The following MELTF variants were observed in gnomAD, a reference collection of about 807,000 sequenced individuals.
The protein encoded by MELTF is antigen p97 (melanoma associated) identified by monoclonal antibodies 133.2 and 96.5.
In MELTF, 67 loss-of-function variants were observed where a neutral mutation model predicts 83.7. The observed-to-expected ratio is 0.80, with a 90% CI of 0.66 to 0.98. The LOEUF (loss-of-function observed/expected upper bound fraction) is 0.98. MELTF is among the 50% of genes least tolerant of loss of function. The probability of loss-of-function intolerance (pLI) is 0.00; values close to 1 mark genes in which losing one functional copy is unlikely to be tolerated. For missense variants in MELTF, 1,002 were observed against 1,035.6 expected, an observed-to-expected ratio of 0.97 and a Z score of 0.44; for synonymous variants, 462 against 447.6, an observed-to-expected ratio of 1.03 and a Z score of -0.41.
At chr3:197,013,126 C>T (rs1719245105) in intron 9 of MELTF, among the ~76,000 whole-genome samples, 5 of 152,190 alleles carry the variant, frequency 3.3e-5, no homozygotes, top group Admixed American at 3.3e-4. Flanking sequence ...ATAGCCAAAG[C>T]AATCCTAAGC....
At position 197,027,783 on chromosome 3, in the gene MELTF, G is replaced by A. The variant is rs771182545; in HGVS notation, c.177C>T (p.Ser59=). The A allele has an allele frequency of 2.0e-5, 32 of 1,610,722 alleles. No individual in the cohort carries two copies. Among genetic ancestry groups the A allele is most frequent in the South Asian group, 3.3e-5 (3 of 90,638 alleles). ...QPSLLCVRGT[S]ADHCVQLIAA... ...CGATGAGCTGGACGCAGTGGTCGGC[G>A]GAGGTGCCCCGGACGCAGAGGAGGG... is the stretch of plus-strand genomic sequence containing the variant. Residue 59 remains serine, a synonymous_variant, in exon 2 of 16, where the codon TCC becomes TCT. Coordinates refer to ENST00000296350, the MANE Select transcript of MELTF (RefSeq NM_005929.6).
chr3:197,003,330 TC>T lies in MELTF; in HGVS notation c.*41del. ...TCCAGCGCGAAGCCGCCGCGGAAAC[TC>T]CCCGGGCGGGCATCGGAGCTCTGGG... is the stretch of plus-strand genomic sequence containing the variant. On this transcript the variant is annotated 3_prime_UTR_variant, in exon 16 of 16. Coordinates refer to ENST00000296350, the MANE Select transcript of MELTF (RefSeq NM_005929.6). This position sits in a 1 kb window ranked among gnomAD's most constrained non-coding sequence, Gnocchi z 6.2. 1.0e-6 allele frequency: 1 copy of T among 1,004,626 alleles called. No individual in the cohort carries two copies. The highest frequency in any genetic ancestry group is 1.2e-6 in the Non-Finnish European group (1 of 847,324). The allele number at this position is 1,004,626 out of a possible 1,614,324, so 62.2% of individuals were successfully genotyped here. A position where few individuals can be genotyped will look rare whatever the true frequency, so the allele number is the denominator to read the frequency against.
rs566013906 is a variant in MELTF, at chr3:197,029,086, C to A, written c.49+568G>T. ...CCACGAACTCCATCCCCTCGGCGGTCGCCGCCCGCGATCCCCGCGAGCCGC... is the reference window on the plus strand; with the variant it reads ...CCACGAACTCCATCCCCTCGGCGGTAGCCGCCCGCGATCCCCGCGAGCCGC... On this transcript the variant is annotated intron_variant, in intron 1 of 15. Coordinates refer to ENST00000296350, the MANE Select transcript of MELTF (RefSeq NM_005929.6). The surrounding 1 kb of genome is among the most constrained non-coding windows in gnomAD (Gnocchi z 6.5). 6.6e-6 allele frequency: 1 copy of A among 152,170 alleles called. No individual in the cohort carries two copies. The highest frequency in any genetic ancestry group is 1.5e-5 in the Non-Finnish European group (1 of 68,050). 9.4% of individuals were successfully genotyped at this position (152,170 alleles called of 1,614,324 possible).
intron 3 of MELTF, 104 bp downstream of exon 3, chr3:197,026,556 G>T: frequency 3.0e-6 from 3 of 1,005,132 alleles, no homozygotes; most frequent in Non-Finnish European, 4.7e-6. Flanking sequence ...GGACTGCTCT[G>T]TGGACAGGGC....
In MELTF at chr3:197,017,347, G is replaced by A. The variant is rs185163987; in HGVS notation, c.713-57C>T. 918 of 1,435,676 alleles carry A rather than the reference G, an allele frequency of 6.4e-4. 5 individuals are homozygous for A. The African/African-American group carries it at 9.9e-3, about 15-fold the overall frequency. 88.9% of individuals were successfully genotyped at this position (1,435,676 alleles called of 1,614,324 possible). A position where few individuals can be genotyped will look rare whatever the true frequency, so the allele number is the denominator to read the frequency against. On this transcript the variant is annotated intron_variant, in intron 6 of 15. Coordinates refer to ENST00000296350, the MANE Select transcript of MELTF (RefSeq NM_005929.6). ...TCCGAAAGGGGTTGGGGCGGGTGGCGGGGAAGGCCCAGGAGAGGGAATCTG... is the reference window on the plus strand; with the variant it reads ...TCCGAAAGGGGTTGGGGCGGGTGGCAGGGAAGGCCCAGGAGAGGGAATCTG...
At chr3:197,019,226 C>T (rs1719523509) in intron 6 of MELTF, 1 of 1,006,724 alleles carries the variant, frequency 9.9e-7, no homozygotes, top group South Asian at 4.4e-5. Flanking sequence ...GCTGCAAAAC[C>T]TTTGGTTAGA....
intron 4 of MELTF, among the ~76,000 whole-genome samples, chr3:197,023,479 G>A (rs1322700889): frequency 2.0e-5 from 3 of 152,216 alleles, no homozygotes; most frequent in African/African-American, 7.2e-5. Flanking sequence ...AATTATTGAA[G>A]ATCACTGATG....
chr3:197,028,964 C>G (rs1560227894), intron 1 of MELTF: 1 of 152,472 alleles, frequency 6.6e-6, no homozygotes, highest in Non-Finnish European at 1.5e-5. Flanking sequence ...AAGCCCCCCA[C>G]CACCCAGGCG....
chr3:197,008,676 G>A lies in MELTF; in HGVS notation c.1731C>T (p.Thr577=), dbSNP rs369412167. The A allele has an allele frequency of 2.2e-5, 35 of 1,614,072 alleles. No homozygotes were observed. Among genetic ancestry groups the A allele is most frequent in the Admixed American group, 2.0e-4 (12 of 60,004 alleles). The stretch of plus-strand genomic sequence containing the variant: ...ACCTACCGTTTGTGTTGTCAAAGAC[G>A]GTTGTGTGCCTGACGAAGGCAACGT... ...AGDVAFVRHT[T]VFDNTNGHNS... is the part of the protein sequence containing the mutation. Residue 577 remains threonine, a synonymous_variant, in exon 13 of 16, where the codon ACC becomes ACT. Transcript: ENST00000296350. This position sits in a 1 kb window ranked among gnomAD's most constrained non-coding sequence, Gnocchi z 5.4.
Position 197,003,907 on chromosome 3 carries a change from C to T in MELTF, c.2131G>A (p.Gly711Ser). 1 of 1,613,498 alleles carries T rather than the reference C, an allele frequency of 6.2e-7. No individual in the cohort carries two copies. The highest frequency in any genetic ancestry group is 8.5e-7 in the Non-Finnish European group (1 of 1,179,918). The change falls in exon 15 of 16, where the codon GGC becomes AGC. Residue 711 changes from glycine to serine, a missense_variant. Transcript: ENST00000296350. The surrounding 1 kb of genome is among the most constrained non-coding windows in gnomAD (Gnocchi z 6.2). ...CAGGGCGGGCCTGTCCTACCTGCGC[C>T]CGAGCACTGCTGAGACGACATCCCT... ...LEGMSSQQCSGAAAPAPGAPL... is the reference protein window; with the variant it reads ...LEGMSSQQCSSAAAPAPGAPL...
At chr3:197,023,244 C>G in intron 4 of MELTF, 131 bp from the exon 5 acceptor site, 1 of 945,048 alleles carries the variant, frequency 1.1e-6, no homozygotes, top group Non-Finnish European at 1.6e-6. Flanking sequence ...CAGCTTCAGT[C>G]TGAGCAAAGC....
rs1163004006 is a variant in MELTF, at chr3:197,007,190, CAG to C, written c.1751-456_1751-455del. Among the ~76,000 whole-genome samples the C allele has an allele frequency of 6.6e-6, 1 of 152,110 alleles. No individual in the cohort carries two copies. The highest frequency in any genetic ancestry group is 1.5e-5 in the Non-Finnish European group (1 of 68,014). The stretch of plus-strand genomic sequence containing the variant: ...TAAGGGCTGAAGTTCTCAAATGGAA[CAG>C]GGTATAGCATCACTTGTGGATGCAG... On this transcript the variant is annotated intron_variant, in intron 13 of 15. Coordinates refer to ENST00000296350, the MANE Select transcript of MELTF (RefSeq NM_005929.6). The surrounding 1 kb of genome is among the most constrained non-coding windows in gnomAD (Gnocchi z 4.3).
chr3:197,022,766 T>C lies in MELTF; in HGVS notation c.644+191A>G, dbSNP rs574477698. Among the ~76,000 whole-genome samples the C allele has an allele frequency of 2.6e-5, 4 of 152,314 alleles. No individual in the cohort carries two copies. In the East Asian group the frequency reaches 7.7e-4, roughly 29 times the overall value. The stretch of plus-strand genomic sequence containing the variant: ...ACGTTGATTTCATGAGCAAATCCGG[T>C]TTGGCATATTCCAGCTGGATGTTTT... On this transcript the variant is annotated intron_variant, in intron 5 of 15. Transcript: ENST00000296350. This position sits in a 1 kb window ranked among gnomAD's most constrained non-coding sequence, Gnocchi z 5.1.
Position 197,022,903 on chromosome 3 carries a change from T to C in MELTF, c.644+54A>G. On this transcript the variant is annotated intron_variant, in intron 5 of 15. Coordinates refer to ENST00000296350, the MANE Select transcript of MELTF (RefSeq NM_005929.6). The surrounding 1 kb of genome is among the most constrained non-coding windows in gnomAD (Gnocchi z 5.1). ...GGCAAAGGTGTTTTTCCCCAGCATT[T>C]GTGGCCTCAGCTCCTCCCTGCCCTC... 1 of 1,533,830 alleles carries C rather than the reference T, an allele frequency of 6.5e-7. No individual in the cohort carries two copies. Among genetic ancestry groups the C allele is most frequent in the South Asian group, 1.2e-5 (1 of 82,324 alleles).
Position 197,006,691 on chromosome 3 carries a change from T to C in MELTF, c.1796A>G (p.Tyr599Cys), listed in dbSNP as rs752729653. ...GGCCCCGTTGGGGCACAGCAGTTCA[T>C]AGTCCTCTGACCTGAGCTCAGCAGC... Reference protein sequence around the residue: ...PWAAELRSEDYELLCPNGARA... With the variant: ...PWAAELRSEDCELLCPNGARA... Residue 599 changes from tyrosine to cysteine, a missense_variant, in exon 14 of 16, where the codon TAT becomes TGT. Tyr to Cys is a radical substitution (Grantham distance 194). Transcript: ENST00000296350. This position sits in a 1 kb window ranked among gnomAD's most constrained non-coding sequence, Gnocchi z 5.4. 4.4e-6 allele frequency: 7 copies of C among 1,582,370 alleles called. No individual in the cohort carries two copies. In the East Asian group the frequency reaches 9.0e-5, roughly 20 times the overall value.
In MELTF at chr3:197,020,743, A is replaced by G. The variant is rs1314408579; in HGVS notation, c.712+661T>C. On this transcript the variant is annotated intron_variant, in intron 6 of 15. Coordinates refer to ENST00000296350, the MANE Select transcript of MELTF (RefSeq NM_005929.6). ...GAGTGCAGTGGTGTGATCTCGGCTCACTGCAATCTCTGCCTCCTGGGTTCA... is the reference window on the plus strand; with the variant it reads ...GAGTGCAGTGGTGTGATCTCGGCTCGCTGCAATCTCTGCCTCCTGGGTTCA... Among the ~76,000 whole-genome samples the G allele has an allele frequency of 9.3e-5, 14 of 150,528 alleles. No individual in the cohort carries two copies. In the East Asian group the frequency reaches 2.7e-3, roughly 30 times the overall value.
At chr3:197,004,312 T>C (rs1210793285) in intron 14 of MELTF, 1 of 587,488 alleles carries the variant, frequency 1.7e-6, no homozygotes, top group African/African-American at 1.9e-5. Flanking sequence ...CAGGTGCCAC[T>C]GGAAGAGGCG....
At chr3:197,018,170 C>G (rs756537496) in intron 6 of MELTF, among the ~76,000 whole-genome samples, 4 of 151,642 alleles carry the variant, frequency 2.6e-5, no homozygotes, top group Non-Finnish European at 5.9e-5. Context: ...CTTTTTGAGA[C>G]GGAGTCTGGC....
In MELTF at chr3:197,017,278, G is replaced by A; in HGVS notation, c.725C>T (p.Pro242Leu). Residue 242 changes from proline (P) to leucine (L), a missense_variant, in exon 7 of 16, where the codon CCC becomes CTC. By Grantham distance (98) the Pro-to-Leu change is moderately conservative. Coordinates refer to ENST00000296350, the MANE Select transcript of MELTF (RefSeq NM_005929.6). ...TGACAGCAGGGCCTGGCCCCAGGAG[G>A]GAAGCGTCTTCCCTGGGAAGCAGGA... ...VLENTDGKTL[P>L]SWGQALLSQD... 1 of 1,556,710 alleles carries A rather than the reference G, an allele frequency of 6.4e-7. No homozygotes were observed. Among genetic ancestry groups the A allele is most frequent in the Non-Finnish European group, 8.7e-7 (1 of 1,150,272 alleles).
Sources: gnomAD v4.1 joint callset for allele counts (sites outside exome capture counted in the v4.1 genomes callset) on GRCh38, gnomAD v4.1.1 for gene constraint, Gnocchi (gnomAD v3.1) non-coding constraint, MANE v1.5 for transcripts, NCBI Gene and HGNC (gene_info 2026-07-23, HGNC 2026-07-21) for gene names.